The following CACNA1C variants were observed in gnomAD, a reference collection of about 807,000 sequenced individuals.
CACNA1C encodes voltage-dependent L-type calcium channel subunit alpha-1C.
A neutral mutation model predicts 229.0 loss-of-function variants in CACNA1C; 30 were observed. That is an observed-to-expected ratio of 0.13 (90% CI 0.10 to 0.18). The LOEUF is 0.18. Ranked by LOEUF, CACNA1C falls within the 10% of genes least tolerant of loss-of-function variation. The pLI, the probability that CACNA1C is intolerant of heterozygous loss-of-function variation, is 1.00. For missense variants in CACNA1C, 1,658 were observed against 2,845.0 expected (o/e 0.58, Z 9.49); for synonymous variants, 1,114 against 1,132.5 (o/e 0.98, Z 0.33).
rs776299658 is a variant in CACNA1C, at chr12:2,664,807, G to T, written c.4233-18G>T. 1 of 1,552,580 alleles carries T rather than the reference G, an allele frequency of 6.4e-7. No homozygotes were observed. Among genetic ancestry groups the T allele is most frequent in the Non-Finnish European group, 8.7e-7 (1 of 1,144,666 alleles). ...CTGTAGGATGGGCTGCATGAACGTG[G>T]CTCTCCCTCCCCTCCAGGTGTGCCA... On this transcript the variant is annotated intron_variant, in intron 34 of 46. Transcript: ENST00000399655.
At chr12:2,594,225 T>G (rs215979) in intron 19 of CACNA1C, among the ~76,000 whole-genome samples, 144,538 of 152,308 alleles carry the variant, frequency 0.95, 68,757 homozygotes, top group East Asian at 1. Flanking sequence ...TAAGCCTATG[T>G]ATTTAGATTT....
intron 30 of CACNA1C, among the ~76,000 whole-genome samples, 160 bp from the exon 31 acceptor site, chr12:2,648,315 G>A (rs1043174914): frequency 3.3e-5 from 5 of 152,166 alleles, no homozygotes; most frequent in Non-Finnish European, 2.9e-5. Context: ...TCATGGGGAC[G>A]CCCCAGGACC....
chr12:2,549,827 C>T, intron 9 of CACNA1C, 116 bp from the exon 10 acceptor site: 2 of 734,142 alleles, frequency 2.7e-6, no homozygotes, highest in Non-Finnish European at 4.9e-6. Flanking sequence ...TGCTCAGCCT[C>T]TCTTTCTGCC....
intron 1 of CACNA1C, among the ~76,000 whole-genome samples, chr12:2,035,877 C>A (rs568109720): frequency 6.6e-6 from 1 of 152,330 alleles, no homozygotes; most frequent in East Asian, 1.9e-4. Flanking sequence ...GCGAGTTCTT[C>A]TTTATGCCGG....
chr12:2,661,313 AC>A (rs1333304184), intron 34 of CACNA1C, among the ~76,000 whole-genome samples: 7 of 144,688 alleles, frequency 4.8e-5, no homozygotes, highest in Admixed American at 1.4e-4. Flanking sequence ...ACACACACAC[AC>A]AAGATTTTTC....
At chr12:2,088,906 G>A (rs1391678103) in intron 1 of CACNA1C, among the ~76,000 whole-genome samples, 2 of 152,290 alleles carry the variant, frequency 1.3e-5, no homozygotes, top group East Asian at 3.9e-4. Flanking sequence ...GCATTAGGCG[G>A]GCTGGGCACT....
chr12:2,383,346 A>C (rs1436632953), intron 3 of CACNA1C, among the ~76,000 whole-genome samples: 1 of 152,126 alleles, frequency 6.6e-6, no homozygotes, highest in Non-Finnish European at 1.5e-5. Context: ...GCCTGGTCTT[A>C]CTGTCATTGG....
At chr12:1,992,912 G>C (rs916310132) in intron 1 of CACNA1C, 2 of 535,290 alleles carry the variant, frequency 3.7e-6, no homozygotes, top group South Asian at 2.8e-5. Context: ...TTAATTCTTC[G>C]TTCAGGGAGC....
At chr12:2,232,157 T>G (rs1195709517) in intron 3 of CACNA1C, among the ~76,000 whole-genome samples, 1 of 151,248 alleles carries the variant, frequency 6.6e-6, no homozygotes, top group African/African-American at 2.4e-5. Flanking sequence ...CAATCCAAGA[T>G]CCCACATGAC....
intron 3 of CACNA1C, among the ~76,000 whole-genome samples, chr12:2,361,079 G>A (rs2097546100): frequency 6.6e-6 from 1 of 151,748 alleles, no homozygotes; most frequent in Non-Finnish European, 1.5e-5. Context: ...TATTTTTCAT[G>A]GGGAGACTAG....
rs566502579 is a variant in CACNA1C, at chr12:2,674,913, T to C, written c.4828+271T>C. ...ATCTGGTACAACCCTGCTTTTTACATAGGGTAACAGGCAAGTCCCTGATGC... is the reference window on the plus strand; with the variant it reads ...ATCTGGTACAACCCTGCTTTTTACACAGGGTAACAGGCAAGTCCCTGATGC... On this transcript the variant is annotated intron_variant, in intron 39 of 46. Coordinates refer to ENST00000399655, the MANE Select transcript of CACNA1C (RefSeq NM_000719.7). Among the ~76,000 whole-genome samples, 9 of 152,312 alleles carry C rather than the reference T, an allele frequency of 5.9e-5. No individual in the cohort carries two copies. In the South Asian group the frequency reaches 1.7e-3, roughly 28 times the overall value.
intron 3 of CACNA1C, among the ~76,000 whole-genome samples, chr12:2,367,056 G>C (rs1185163314): frequency 6.6e-6 from 1 of 152,144 alleles, no homozygotes. Flanking sequence ...TTTGAGATGA[G>C]ATTTGGGTGG....
At chr12:2,079,752 A>G (rs2064739312) in intron 1 of CACNA1C, among the ~76,000 whole-genome samples, 1 of 152,194 alleles carries the variant, frequency 6.6e-6, no homozygotes, top group Non-Finnish European at 1.5e-5. Flanking sequence ...TACCCATAGG[A>G]CCCTTCAAAA....
rs778260348 is a variant in CACNA1C, at chr12:2,457,606, T to A, written c.657T>A (p.Asp219Glu). Reference sequence around the variant, plus strand: ...TTTTAGAACAAGCAACCAAAGCAGATGGGGCAAACGCTCTCGGAGGGAAAG... The same window carrying A: ...TTTTAGAACAAGCAACCAAAGCAGAAGGGGCAAACGCTCTCGGAGGGAAAG... ...SAILEQATKA[D>E]GANALGGKGA... Residue 219 changes from aspartate to glutamate, a missense_variant, in exon 5 of 47, where the codon GAT becomes GAA. This residue lies in a region of CACNA1C where 89 missense variants were observed against 177.8 expected (regional missense o/e 0.50). Coordinates refer to ENST00000399655, the MANE Select transcript of CACNA1C (RefSeq NM_000719.7). 6.2e-7 allele frequency: 1 copy of A among 1,613,336 alleles called. No homozygotes were observed. Among genetic ancestry groups the A allele is most frequent in the Non-Finnish European group, 8.5e-7 (1 of 1,179,558 alleles).
At chr12:2,671,924 G>GC (rs35478374) in intron 38 of CACNA1C, among the ~76,000 whole-genome samples, 1 of 149,182 alleles carries the variant, frequency 6.7e-6, no homozygotes, top group African/African-American at 2.5e-5. Flanking sequence ...AAATCGAAAC[G>GC]CCCCCACCCA....
chr12:2,440,873 G>T (rs2099217581), intron 3 of CACNA1C, among the ~76,000 whole-genome samples: 1 of 152,222 alleles, frequency 6.6e-6, no homozygotes, highest in Non-Finnish European at 1.5e-5. Context: ...AATGCGGCAA[G>T]TGGAGCAAAG....
At chr12:2,192,083 C>T (rs2097254972) in intron 3 of CACNA1C, among the ~76,000 whole-genome samples, 2 of 152,226 alleles carry the variant, frequency 1.3e-5, no homozygotes, top group South Asian at 2.1e-4. Context: ...CACACACACA[C>T]ATGCACGCAC....
chr12:2,564,143 G>GACAC (rs1253163195), intron 11 of CACNA1C, among the ~76,000 whole-genome samples: 1 of 152,114 alleles, frequency 6.6e-6, no homozygotes, highest in Non-Finnish European at 1.5e-5. Flanking sequence ...GCCACACACA[G>GACAC]ACACACACAC....
At chr12:2,518,158 G>T (rs1011875618) in intron 9 of CACNA1C, among the ~76,000 whole-genome samples, 1 of 152,204 alleles carries the variant, frequency 6.6e-6, no homozygotes, top group Non-Finnish European at 1.5e-5. Context: ...ACAGAGTCTA[G>T]GATCACATAT....
Sources: gnomAD v4.1 joint callset for allele counts (sites outside exome capture counted in the v4.1 genomes callset) on GRCh38, gnomAD v4.1.1 for gene constraint, gnomAD v4.1.1 regional missense constraint, MANE v1.5 for transcripts, NCBI Gene and HGNC (gene_info 2026-07-23, HGNC 2026-07-21) for gene names.